SPMIP2: variants seen among roughly 807,000 people sequenced by gnomAD.
SPMIP2 encodes protein SPMIP2.
At chr4:158,961,530 T>C in the SPMIP2 span, among the ~76,000 whole-genome samples, 1 of 152,158 alleles carries the variant, frequency 6.6e-6, no homozygotes, top group African/African-American at 2.4e-5. Flanking sequence ...GATTCTGACA[T>C]GATCCCCTGA....
the SPMIP2 span, among the ~76,000 whole-genome samples, chr4:159,059,370 T>A: frequency 6.6e-6 from 1 of 152,346 alleles, no homozygotes; most frequent in African/African-American, 2.4e-5. Flanking sequence ...GAGTTTATTT[T>A]ATTTAATTTA....
At chr4:158,966,104 C>A in the SPMIP2 span, among the ~76,000 whole-genome samples, 1 of 152,146 alleles carries the variant, frequency 6.6e-6, no homozygotes, top group Non-Finnish European at 1.5e-5. Context: ...ATTTTCAGTG[C>A]CATTTCTTCT....
the SPMIP2 span, among the ~76,000 whole-genome samples, chr4:159,000,005 T>G: frequency 6.6e-6 from 1 of 152,204 alleles, no homozygotes; most frequent in South Asian, 2.1e-4. Flanking sequence ...TCATCTTCCT[T>G]GGTTAACTTC....
the SPMIP2 span, among the ~76,000 whole-genome samples, chr4:158,916,934 A>G: frequency 1.3e-5 from 2 of 149,148 alleles, no homozygotes; most frequent in African/African-American, 4.9e-5. Context: ...ATGAGTCACC[A>G]CCCAGCCTGT....
chr4:158,930,667 T>C, the SPMIP2 span, among the ~76,000 whole-genome samples: 5 of 151,966 alleles, frequency 3.3e-5, no homozygotes, highest in African/African-American at 1.2e-4. Flanking sequence ...AAATTTTTTA[T>C]TTTTATTTGG....
the SPMIP2 span, chr4:158,893,468 A>C: frequency 2.1e-6 from 1 of 482,570 alleles, no homozygotes; most frequent in Non-Finnish European, 3.8e-6. Flanking sequence ...AGCTACTATT[A>C]GTATGATAGT....
the SPMIP2 span, among the ~76,000 whole-genome samples, chr4:159,004,472 G>A: frequency 5.9e-5 from 9 of 151,934 alleles, no homozygotes; most frequent in Admixed American, 2.6e-4. Flanking sequence ...TGTATTTTTA[G>A]TAGAGACGGG....
the SPMIP2 span, among the ~76,000 whole-genome samples, chr4:158,902,109 C>T: frequency 6.6e-6 from 1 of 151,998 alleles, no homozygotes. Flanking sequence ...CAGGTTTCTC[C>T]CCATCTTCAT....
At chr4:159,027,574 T>C in the SPMIP2 span, among the ~76,000 whole-genome samples, 3 of 152,190 alleles carry the variant, frequency 2.0e-5, no homozygotes, top group Non-Finnish European at 4.4e-5. Flanking sequence ...GAATTAGTTT[T>C]TAAAAATCTA....
the SPMIP2 span, among the ~76,000 whole-genome samples, chr4:158,924,973 T>C: frequency 6.6e-6 from 1 of 152,236 alleles, no homozygotes. Context: ...TTGTTGAATA[T>C]ATTTTGTATC....
At chr4:158,990,872 T>C in the SPMIP2 span, among the ~76,000 whole-genome samples, 1 of 90,074 alleles carries the variant, frequency 1.1e-5, no homozygotes, top group African/African-American at 3.5e-5. Flanking sequence ...ACTTAAAATA[T>C]AATAAAAAAC....
At chr4:158,930,757 T>C in the SPMIP2 span, among the ~76,000 whole-genome samples, 1 of 152,180 alleles carries the variant, frequency 6.6e-6, no homozygotes, top group Non-Finnish European at 1.5e-5. Flanking sequence ...TCTTTCTGTG[T>C]TGGCCTCCCA....
chr4:159,077,079 G>T, the SPMIP2 span, among the ~76,000 whole-genome samples: 1 of 151,616 alleles, frequency 6.6e-6, no homozygotes, highest in Non-Finnish European at 1.5e-5. Flanking sequence ...CAGGTGATCT[G>T]CCCACCTTGG....
At chr4:158,981,909 C>T in the SPMIP2 span, among the ~76,000 whole-genome samples, 1 of 149,702 alleles carries the variant, frequency 6.7e-6, no homozygotes, top group East Asian at 2.0e-4. Flanking sequence ...TTAAATGCCC[C>T]AATTAAAAGA....
chr4:159,028,208 G>C, the SPMIP2 span, among the ~76,000 whole-genome samples: 1 of 152,024 alleles, frequency 6.6e-6, no homozygotes, highest in Non-Finnish European at 1.5e-5. Context: ...ATCTGTTATA[G>C]TGCCTTTTTA....
the SPMIP2 span, among the ~76,000 whole-genome samples, chr4:159,009,705 T>C: frequency 3.7e-3 from 556 of 152,272 alleles, 2 homozygotes; most frequent in Middle Eastern, 0.01. Flanking sequence ...GCTTAGTGAC[T>C]CATGCCTGTA....
chr4:159,048,559 A>G, the SPMIP2 span, among the ~76,000 whole-genome samples: 1 of 152,208 alleles, frequency 6.6e-6, no homozygotes, highest in African/African-American at 2.4e-5. Context: ...ACCGAGCCAC[A>G]AGAAAATCTT....
At chr4:158,950,047 G>A in the SPMIP2 span, among the ~76,000 whole-genome samples, 8 of 152,084 alleles carry the variant, frequency 5.3e-5, no homozygotes, top group East Asian at 1.9e-4. Flanking sequence ...TCTTGACCCC[G>A]AACCCCATCT....
chr4:158,908,072 G>T, the SPMIP2 span: 1 of 152,048 alleles, frequency 6.6e-6, no homozygotes, highest in Non-Finnish European at 1.5e-5. Context: ...TGCTGCATGC[G>T]ATTTGTTATA....
Sources: gnomAD v4.1 joint callset for allele counts (sites outside exome capture counted in the v4.1 genomes callset) on GRCh38, gnomAD v4.1.1 for gene constraint, MANE v1.5 for transcripts, NCBI Gene and HGNC (gene_info 2026-07-23, HGNC 2026-07-21) for gene names.